SPINK5: variants seen among roughly 807,000 people sequenced by gnomAD.
SPINK5 encodes serine protease inhibitor Kazal-type 5.
In SPINK5, 125 loss-of-function variants were observed where a neutral mutation model predicts 151.8. The observed-to-expected ratio is 0.82, with a 90% CI of 0.71 to 0.96. The LOEUF is 0.96. SPINK5 is among the 40% of genes least tolerant of loss of function. SPINK5 has a pLI of 0.00. For synonymous variants in SPINK5, 374 were observed against 395.3 expected (o/e 0.95, Z 0.64); for missense variants, 1,194 against 1,291.9 (o/e 0.92, Z 1.16).
chr5:148,103,424 G>GT (rs1204229833), intron 15 of SPINK5, among the ~76,000 whole-genome samples: 1 of 152,120 alleles, frequency 6.6e-6, no homozygotes, highest in Admixed American at 6.6e-5. Flanking sequence ...CTTTCAGCCT[G>GT]TTTTTTGTTC....
intron 32 of SPINK5, among the ~76,000 whole-genome samples, chr5:148,134,891 G>A (rs1754659356): frequency 6.6e-6 from 1 of 151,794 alleles, no homozygotes; most frequent in South Asian, 2.1e-4. Context: ...TATTCAGCCA[G>A]ATTTGAAAAT....
chr5:148,114,073 G>C (rs949702604), intron 20 of SPINK5, among the ~76,000 whole-genome samples: 3 of 152,010 alleles, frequency 2.0e-5, no homozygotes, highest in Non-Finnish European at 2.9e-5. Flanking sequence ...AATTTCTCAC[G>C]TAACCCTAAA....
chr5:148,123,728 T>C lies in SPINK5; in HGVS notation c.2539-105T>C, dbSNP rs1581106244. 8 of 1,510,782 alleles carry C rather than the reference T, an allele frequency of 5.3e-6. No individual in the cohort carries two copies. The East Asian group carries it at 1.9e-4, about 35-fold the overall frequency. The allele number at this position is 1,510,782 out of a possible 1,614,324, so 93.6% of individuals were successfully genotyped here. ...TTTCTTCTCTGAAATTTCACTTCTC[T>C]GTTTTTTTCCTGTGTTATGAGTTTA... On this transcript the variant is annotated intron_variant, in intron 26 of 32. Coordinates refer to ENST00000256084, the MANE Select transcript of SPINK5 (RefSeq NM_006846.4).
In SPINK5 at chr5:148,097,917, T is replaced by C. The variant is rs750931963; in HGVS notation, c.933T>C (p.Cys311=). 1 of 1,612,392 alleles carries C rather than the reference T, an allele frequency of 6.2e-7. No homozygotes were observed. The highest frequency in any genetic ancestry group is 1.7e-5 in the Admixed American group (1 of 59,890). ...QNQAKNGILF[C]TRENDPIRGP... is the part of the protein sequence containing the mutation. ...AGGCAAAGAATGGAATACTTTTCTG[T>C]ACCAGAGAAAATGACCCTATTCGTG... Residue 311 remains cysteine (C), a synonymous_variant, in exon 11 of 33, where the codon TGT becomes TGC. Coordinates refer to ENST00000256084, the MANE Select transcript of SPINK5 (RefSeq NM_006846.4).
intron 2 of SPINK5, among the ~76,000 whole-genome samples, chr5:148,069,300 T>C (rs969754888): frequency 1.3e-5 from 2 of 151,894 alleles, no homozygotes; most frequent in Non-Finnish European, 2.9e-5. Flanking sequence ...TTACCACTTT[T>C]GAAGATCATT....
At chr5:148,116,165 T>A (rs1370379719) in intron 21 of SPINK5, among the ~76,000 whole-genome samples, 2 of 152,198 alleles carry the variant, frequency 1.3e-5, no homozygotes, top group Non-Finnish European at 2.9e-5. Flanking sequence ...GTGGTGTTCT[T>A]TTATTTTAAT....
intron 10 of SPINK5, among the ~76,000 whole-genome samples, chr5:148,096,271 T>C (rs1753458405): frequency 6.6e-6 from 1 of 152,038 alleles, no homozygotes; most frequent in Non-Finnish European, 1.5e-5. Flanking sequence ...CAATGTTGAA[T>C]TTTAATGTGC....
chr5:148,126,562 G>T (rs1754435442), intron 29 of SPINK5, among the ~76,000 whole-genome samples: 1 of 149,886 alleles, frequency 6.7e-6, no homozygotes, highest in African/African-American at 2.5e-5. Flanking sequence ...TCAATGTTCT[G>T]TGATTCTGTT....
chr5:148,066,545 A>T (rs1287243528), intron 2 of SPINK5, among the ~76,000 whole-genome samples: 1 of 152,150 alleles, frequency 6.6e-6, no homozygotes, highest in East Asian at 1.9e-4. Context: ...AACTTCTTAC[A>T]TGAGTGTTCT....
At chr5:148,102,762 G>A (rs890069983) in intron 15 of SPINK5, among the ~76,000 whole-genome samples, 42 of 152,134 alleles carry the variant, frequency 2.8e-4, no homozygotes, top group African/African-American at 8.7e-4. Context: ...TATTCTATGT[G>A]ATTTTAAGGA....
At chr5:148,082,195 C>T (rs1163530450) in intron 4 of SPINK5, among the ~76,000 whole-genome samples, 1 of 151,264 alleles carries the variant, frequency 6.6e-6, no homozygotes, top group Admixed American at 6.6e-5. Flanking sequence ...TGATAATATA[C>T]TCTGTTGTTT....
chr5:148,118,008 T>C (rs1754143305), intron 22 of SPINK5, among the ~76,000 whole-genome samples: 1 of 151,990 alleles, frequency 6.6e-6, no homozygotes, highest in South Asian at 2.1e-4. Context: ...ACCTAGATGT[T>C]AGGGGTTTTT....
At chr5:148,079,952 T>C (rs74879272) in intron 4 of SPINK5, among the ~76,000 whole-genome samples, 5,095 of 151,050 alleles carry the variant, frequency 0.034, 149 homozygotes, top group East Asian at 0.12. Context: ...ACACTTTTTA[T>C]TGGAAATGAA....
At chr5:148,093,563 C>A (rs73269201) in intron 8 of SPINK5, among the ~76,000 whole-genome samples, 4,816 of 151,902 alleles carry the variant, frequency 0.032, 277 homozygotes, top group African/African-American at 0.11. Flanking sequence ...TGGATAACAT[C>A]TTGTTTCTTT....
Position 148,137,134 on chromosome 5 carries a change from C to T in SPINK5, c.*143C>T, listed in dbSNP as rs1338032480. ...AATACAGAGCTTTTGGGAATGGACT[C>T]ACTGATTTTCAGTCTTTTCCATCTC... is the stretch of plus-strand genomic sequence containing the variant. On this transcript the variant is annotated 3_prime_UTR_variant, in exon 33 of 33. Coordinates refer to ENST00000256084, the MANE Select transcript of SPINK5 (RefSeq NM_006846.4). 4 of 1,070,412 alleles carry T rather than the reference C, an allele frequency of 3.7e-6. No individual in the cohort carries two copies. The highest frequency in any genetic ancestry group is 1.6e-5 in the African/African-American group (1 of 63,466). 66.3% of individuals were successfully genotyped at this position (1,070,412 alleles called of 1,614,324 possible).
intron 16 of SPINK5, among the ~76,000 whole-genome samples, chr5:148,106,788 A>G (rs934410093): frequency 6.6e-6 from 1 of 152,096 alleles, no homozygotes; most frequent in South Asian, 2.1e-4. Flanking sequence ...GATCTTTCCT[A>G]GCTTTTACAG....
rs1344985305 is a variant in SPINK5 at position 148,088,624 on chromosome 5, C to A, written c.474+19C>A. 1.2e-6 allele frequency: 2 copies of A among 1,610,060 alleles called. No individual in the cohort carries two copies. Among genetic ancestry groups the A allele is most frequent in the African/African-American group, 2.7e-5 (2 of 74,588 alleles). ...AGAGCAGGTGAGGTCAATTGTCAGC[C>A]TGATGGGAAATACTGGGAGGCTAAC... On this transcript the variant is annotated intron_variant, in intron 6 of 32. Coordinates refer to ENST00000256084, the MANE Select transcript of SPINK5 (RefSeq NM_006846.4).
rs753181753 is a variant in SPINK5 at position 148,064,018 on chromosome 5, C to G, written c.-27C>G. Reference sequence around the variant, plus strand: ...CAGCTGAGCAATGCATGGAGTGGACCTGTAGGCGACTTGCATCGTCTTCAA... The same window carrying G: ...CAGCTGAGCAATGCATGGAGTGGACGTGTAGGCGACTTGCATCGTCTTCAA... On this transcript the variant is annotated 5_prime_UTR_variant, in exon 1 of 33. Transcript: ENST00000256084. 1.9e-6 allele frequency: 3 copies of G among 1,613,960 alleles called. No homozygotes were observed. The highest frequency in any genetic ancestry group is 2.5e-6 in the Non-Finnish European group (3 of 1,179,900).
At position 148,137,016 on chromosome 5, in the gene SPINK5, G is replaced by A. The variant is rs780277982; in HGVS notation, c.*25G>A. 2.5e-6 allele frequency: 4 copies of A among 1,613,352 alleles called. No homozygotes were observed. Among genetic ancestry groups the A allele is most frequent in the Non-Finnish European group, 3.4e-6 (4 of 1,179,566 alleles). The stretch of plus-strand genomic sequence containing the variant: ...ACAGGAAGATTGTTGAAAGCCATGA[G>A]GGAAAAAATAAACCCCAGTTCTGAA... On this transcript the variant is annotated 3_prime_UTR_variant, in exon 33 of 33. Transcript: ENST00000256084.
Sources: allele counts gnomAD v4.1 joint callset (sites outside exome capture counted in the v4.1 genomes callset), GRCh38; gene constraint gnomAD v4.1.1; transcripts MANE v1.5; gene names NCBI Gene and HGNC (gene_info 2026-07-23, HGNC 2026-07-21).